LGSN: variants seen among roughly 807,000 people sequenced by gnomAD.
The protein encoded by LGSN is lengsin.
In LGSN, 21 loss-of-function variants were observed where a neutral mutation model predicts 19.5. The observed-to-expected ratio is 1.07, with a 90% CI of 0.76 to 1.55. LGSN has a LOEUF of 1.55. LGSN is among the 40% of genes most tolerant of loss of function. The pLI is 0.00. For missense variants in LGSN, 673 were observed against 608.5 expected, an observed-to-expected ratio of 1.11 and a Z score of -1.12; for synonymous variants, 257 against 215.6, an observed-to-expected ratio of 1.19 and a Z score of -1.68.
rs2127394033 is a variant in LGSN at position 63,308,805 on chromosome 6, TAAAAG to T, written c.30+11104_30+11108del. Among the ~76,000 whole-genome samples, 3 of 152,240 alleles carry T rather than the reference TAAAAG, an allele frequency of 2.0e-5. No homozygotes were observed. The South Asian group carries it at 6.2e-4, about 32-fold the overall frequency. ...AAAAGGGATCGATAATTATCAAACTTAAAAGAATATGTCAAAGAGGAAAGAATGTG... is the reference window on the plus strand; with the variant it reads ...AAAAGGGATCGATAATTATCAAACTTAATATGTCAAAGAGGAAAGAATGTG... On this transcript the variant is annotated intron_variant, in intron 1 of 3. Coordinates refer to ENST00000370657, the MANE Select transcript of LGSN (RefSeq NM_016571.3).
the LGSN span, chr6:63,441,263 G>T: frequency 2.7e-6 from 1 of 370,158 alleles, no homozygotes; most frequent in Non-Finnish European, 5.5e-6. Context: ...TCACACACCT[G>T]GCGAAGCTAG....
At chr6:63,294,197 A>T (rs932855549) in intron 2 of LGSN, among the ~76,000 whole-genome samples, 38 of 152,050 alleles carry the variant, frequency 2.5e-4, no homozygotes, top group African/African-American at 8.9e-4. Flanking sequence ...TTAGCGTGGC[A>T]TGGTGGCATG....
chr6:63,381,837 C>A, the LGSN span, among the ~76,000 whole-genome samples: 1 of 152,320 alleles, frequency 6.6e-6, no homozygotes, highest in African/African-American at 2.4e-5. Flanking sequence ...TAGCTCAAAG[C>A]ATAGTGCCCT....
chr6:63,281,943 G>T (rs1767338265), intron 3 of LGSN, among the ~76,000 whole-genome samples: 1 of 152,198 alleles, frequency 6.6e-6, no homozygotes, highest in Non-Finnish European at 1.5e-5. Context: ...GGTGTCAACA[G>T]ATCTGCCTTC....
At chr6:63,554,904 T>G in the LGSN span, among the ~76,000 whole-genome samples, 1 of 152,242 alleles carries the variant, frequency 6.6e-6, no homozygotes, top group Non-Finnish European at 1.5e-5. Flanking sequence ...TGCTGGTGTA[T>G]AGTAGATTTT....
the LGSN span, among the ~76,000 whole-genome samples, chr6:63,334,518 G>GA: frequency 1.3e-5 from 2 of 152,154 alleles, no homozygotes; most frequent in Non-Finnish European, 2.9e-5. Flanking sequence ...TTAACACAGT[G>GA]AAAATGACCA....
chr6:63,503,290 C>A, the LGSN span, among the ~76,000 whole-genome samples: 1 of 152,128 alleles, frequency 6.6e-6, no homozygotes, highest in African/African-American at 2.4e-5. Flanking sequence ...TAGATACAGA[C>A]AACAGAAAGA....
chr6:63,286,699 G>C (rs968445756), intron 2 of LGSN, among the ~76,000 whole-genome samples: 1 of 152,222 alleles, frequency 6.6e-6, no homozygotes, highest in South Asian at 2.1e-4. Flanking sequence ...GTTAGTTGCT[G>C]TCAGAACTTT....
At chr6:63,470,476 C>CAAAA in the LGSN span, among the ~76,000 whole-genome samples, 3 of 139,160 alleles carry the variant, frequency 2.2e-5, no homozygotes, top group Non-Finnish European at 3.1e-5. Context: ...TGTCTCAATT[C>CAAAA]AAAAAAAAAA....
At chr6:63,404,064 G>A in the LGSN span, among the ~76,000 whole-genome samples, 1 of 151,996 alleles carries the variant, frequency 6.6e-6, no homozygotes, top group African/African-American at 2.4e-5. Context: ...ATAGAGCCTG[G>A]AGGAATATAT....
chr6:63,377,913 C>CAAAAAAAAAAAAAAAAAAAAAAAAAAAA, the LGSN span, among the ~76,000 whole-genome samples: 2 of 54,352 alleles, frequency 3.7e-5, no homozygotes, highest in African/African-American at 6.4e-5. Flanking sequence ...GACTCCATCT[C>CAAAAAAAAAAAAAAAAAAAAAAAAAAAA]AAAAAAAAAA....
chr6:63,313,870 AC>A (rs1562019658), intron 1 of LGSN, among the ~76,000 whole-genome samples: 112 of 150,022 alleles, frequency 7.5e-4, no homozygotes, highest in African/African-American at 2.5e-3. Context: ...ATAAATAAAT[AC>A]ATACATACAT....
At chr6:63,416,433 C>A in the LGSN span, among the ~76,000 whole-genome samples, 52 of 152,250 alleles carry the variant, frequency 3.4e-4, no homozygotes, top group Admixed American at 3.4e-3. Flanking sequence ...CTCCTTACTC[C>A]CTACAGGCTG....
the LGSN span, among the ~76,000 whole-genome samples, chr6:63,339,955 T>C: frequency 1.3e-5 from 2 of 152,168 alleles, no homozygotes; most frequent in African/African-American, 4.8e-5. Context: ...CTAACAGTGA[T>C]TAATTCCCTC....
the LGSN span, among the ~76,000 whole-genome samples, chr6:63,437,516 T>G: frequency 6.6e-6 from 1 of 152,200 alleles, no homozygotes; most frequent in African/African-American, 2.4e-5. Context: ...TTGACTCTAG[T>G]GAAGAAAAGG....
the LGSN span, among the ~76,000 whole-genome samples, chr6:63,546,267 AGT>A: frequency 1.4e-4 from 22 of 152,216 alleles, no homozygotes; most frequent in African/African-American, 5.3e-4. Context: ...CATTTTGCTA[AGT>A]GAAATAAAAC....
chr6:63,283,695 C>A (rs1767413058), intron 3 of LGSN, among the ~76,000 whole-genome samples: 3 of 148,358 alleles, frequency 2.0e-5, no homozygotes, highest in Non-Finnish European at 3.0e-5. Flanking sequence ...ACAGATGAAT[C>A]TTTTTTTTAT....
chr6:63,539,619 A>C, the LGSN span, among the ~76,000 whole-genome samples: 1 of 152,108 alleles, frequency 6.6e-6, no homozygotes, highest in African/African-American at 2.4e-5. Context: ...CTACTAAAAT[A>C]CAAAAAATAT....
At chr6:63,407,846 T>A in the LGSN span, among the ~76,000 whole-genome samples, 2 of 152,164 alleles carry the variant, frequency 1.3e-5, no homozygotes, top group East Asian at 3.8e-4. Context: ...GGATACAAAA[T>A]CAATGTACAA....
Sources: allele counts gnomAD v4.1 joint callset (sites outside exome capture counted in the v4.1 genomes callset), GRCh38; gene constraint gnomAD v4.1.1; transcripts MANE v1.5; gene names NCBI Gene and HGNC (gene_info 2026-07-23, HGNC 2026-07-21).